Variants in BICD1 observed in about 807,000 individuals in gnomAD.
BICD1 encodes protein bicaudal D homolog 1.
A neutral mutation model predicts 92.5 loss-of-function variants in BICD1; 35 were observed. That is an observed-to-expected ratio of 0.38 (90% confidence interval 0.29 to 0.50). The LOEUF is 0.50. Ranked by LOEUF, BICD1 falls within the 20% of genes least tolerant of loss-of-function variation. The probability of loss-of-function intolerance (pLI) is 0.93; values close to 1 mark genes in which losing one functional copy is unlikely to be tolerated. For synonymous variants in BICD1, 429 were observed against 465.1 expected, an observed-to-expected ratio of 0.92 and a Z score of 1.00; for missense variants, 950 against 1,189.8, an observed-to-expected ratio of 0.80 and a Z score of 2.97.
Position 32,377,366 on chromosome 12 carries a change from C to T in BICD1, c.2841-174C>T, listed in dbSNP as rs144106729. ...ATACATTTCATTTTTCTTTTTTATG[C>T]CTTGTTTTGAAAAGCTACCATTATC... On this transcript the variant is annotated intron_variant, in intron 9 of 9. Transcript: ENST00000652176. Among the ~76,000 whole-genome samples, 488 of 152,204 alleles carry T rather than the reference C, an allele frequency of 3.2e-3. 4 individuals carry two copies. The highest frequency in any genetic ancestry group is 0.011 in the African/African-American group (462 of 41,508).
At position 32,305,836 on chromosome 12, in the gene BICD1, A is replaced by G; in HGVS notation, c.719A>G (p.Asn240Ser). 1 of 1,614,266 alleles carries G rather than the reference A, an allele frequency of 6.2e-7. No individual in the cohort carries two copies. Among genetic ancestry groups the G allele is most frequent in the Non-Finnish European group, 8.5e-7 (1 of 1,180,046 alleles). The change falls in exon 4 of 10, where the codon AAT (asparagine) becomes AGT (serine). Residue 240 changes from asparagine (N) to serine (S), a missense_variant. Asn to Ser is a conservative substitution (Grantham distance 46, BLOSUM62 1). Around this residue, in one of 5 missense-constraint regions of BICD1, gnomAD observed 246 missense variants for 258.4 expected, o/e 0.95. Coordinates refer to ENST00000652176, the MANE Select transcript of BICD1 (RefSeq NM_001714.4). ...QLEEALETLK[N>S]EREQKNNLRK... The stretch of plus-strand genomic sequence containing the variant: ...GAAGAAGCCCTCGAGACTTTAAAAA[A>G]TGAAAGAGAGCAAAAGAACAACCTG...
intron 1 of BICD1, among the ~76,000 whole-genome samples, chr12:32,113,450 C>T (rs1162420693): frequency 6.6e-6 from 1 of 152,048 alleles, no homozygotes; most frequent in African/African-American, 2.4e-5. Context: ...GGTGCTGTTA[C>T]AGCTCACCGC....
At chr12:32,332,571 C>G in intron 5 of BICD1, 2 of 507,906 alleles carry the variant, frequency 3.9e-6, no homozygotes, top group Non-Finnish European at 5.1e-6. Flanking sequence ...CCAGAAGACT[C>G]AGCCTCCTGG....
intron 1 of BICD1, among the ~76,000 whole-genome samples, chr12:32,201,462 T>A (rs931041594): frequency 9.2e-5 from 14 of 151,964 alleles, no homozygotes; most frequent in African/African-American, 3.4e-4. Context: ...CAGTAAATAT[T>A]GGAGGGAAGG....
intron 4 of BICD1, among the ~76,000 whole-genome samples, chr12:32,311,379 G>A (rs1308886759): frequency 2.6e-5 from 4 of 152,078 alleles, no homozygotes; most frequent in African/African-American, 4.8e-5. Flanking sequence ...CATGCCTGTA[G>A]TCCCAGCTAC....
rs184737399 is a variant in BICD1, at chr12:32,328,816, C to A, written c.2100+261C>A. Among the ~76,000 whole-genome samples, 2 of 152,074 alleles carry A rather than the reference C, an allele frequency of 1.3e-5. No individual in the cohort carries two copies. Among genetic ancestry groups the A allele is most frequent in the African/African-American group, 4.8e-5 (2 of 41,414 alleles). On this transcript the variant is annotated intron_variant, in intron 5 of 9. Coordinates refer to ENST00000652176, the MANE Select transcript of BICD1 (RefSeq NM_001714.4). This position sits in a 1 kb window ranked among gnomAD's most constrained non-coding sequence, Gnocchi z 4.4. ...AGGAGAAGATCTAGATGCCTTTCTG[C>A]AGATGTAGAAAGGCAGCTCAGGCGG...
intron 2 of BICD1, among the ~76,000 whole-genome samples, chr12:32,226,983 G>A (rs957677660): frequency 2.0e-5 from 3 of 152,044 alleles, no homozygotes; most frequent in Non-Finnish European, 2.9e-5. Flanking sequence ...GGCATGTGAG[G>A]AGGGCCTGGG....
chr12:32,148,383 T>C (rs2061784829), intron 1 of BICD1, among the ~76,000 whole-genome samples: 1 of 152,196 alleles, frequency 6.6e-6, no homozygotes, highest in Admixed American at 6.5e-5. Context: ...GAGTCTGCCT[T>C]TGAGCAGAGA....
chr12:32,318,065 G>A (rs1188885208), intron 4 of BICD1, among the ~76,000 whole-genome samples: 8 of 151,226 alleles, frequency 5.3e-5, no homozygotes, highest in Non-Finnish European at 8.9e-5. Flanking sequence ...TGTTCCATTG[G>A]TCTATATCTC....
intron 1 of BICD1, chr12:32,108,203 T>G (rs1471078709): frequency 1.6e-5 from 3 of 187,276 alleles, no homozygotes; most frequent in African/African-American, 7.1e-5. Context: ...TAGAAAAAAT[T>G]GAACTCACCT....
chr12:32,348,772 A>G lies in BICD1; in HGVS notation c.2764+9793A>G, dbSNP rs1308074118. Among the ~76,000 whole-genome samples, 179 of 52,722 alleles carry G rather than the reference A, an allele frequency of 3.4e-3. 2 individuals carry two copies. Among genetic ancestry groups the G allele is most frequent in the African/African-American group, 0.015 (173 of 11,320 alleles). 34.6% of individuals were successfully genotyped at this position (52,722 alleles called of 152,430 possible). ...TATATATATATATATATATATATAT[A>G]TATATATCAGCAGGCAGATACTCAA... On this transcript the variant is annotated intron_variant, in intron 8 of 9. Coordinates refer to ENST00000652176, the MANE Select transcript of BICD1 (RefSeq NM_001714.4).
At position 32,116,438 on chromosome 12, in the gene BICD1, C is replaced by CTCTGTCTGTCTG. The variant is rs1171456421; in HGVS notation, c.213+8910_213+8921dup. Among the ~76,000 whole-genome samples the CTCTGTCTGTCTG allele has an allele frequency of 1.3e-4, 20 of 148,266 alleles. 2 individuals carry two copies. Among genetic ancestry groups the CTCTGTCTGTCTG allele is most frequent in the South Asian group, 2.2e-4 (1 of 4,618 alleles). ...TTTAGCACTTGTACTATGTCTCTGT[C>CTCTGTCTGTCTG]TCTGTCTGTCTGTCTGTCTGTCTGT... On this transcript the variant is annotated intron_variant, in intron 1 of 9. Coordinates refer to ENST00000652176, the MANE Select transcript of BICD1 (RefSeq NM_001714.4).
At chr12:32,185,672 C>T (rs1295620195) in intron 1 of BICD1, among the ~76,000 whole-genome samples, 1 of 152,186 alleles carries the variant, frequency 6.6e-6, no homozygotes, top group Non-Finnish European at 1.5e-5. Flanking sequence ...GAGAGGGGCT[C>T]CCAAATCAGA....
chr12:32,314,184 A>G (rs12367422), intron 4 of BICD1, among the ~76,000 whole-genome samples: 2,482 of 152,220 alleles, frequency 0.016, 30 homozygotes, highest in Non-Finnish European at 0.026. Flanking sequence ...GTTGATGGAC[A>G]CTTTAGTTGT....
chr12:32,198,162 G>C (rs1944779401), intron 1 of BICD1, among the ~76,000 whole-genome samples: 1 of 151,542 alleles, frequency 6.6e-6, no homozygotes, highest in Non-Finnish European at 1.5e-5. Context: ...CTGAGATCGT[G>C]CCATTGTACT....
At chr12:32,350,862 A>T (rs1160532473) in intron 8 of BICD1, among the ~76,000 whole-genome samples, 1 of 151,062 alleles carries the variant, frequency 6.6e-6, no homozygotes. Context: ...CACTAAATTC[A>T]TTGTCCTTTG....
intron 1 of BICD1, among the ~76,000 whole-genome samples, chr12:32,171,532 G>C (rs55797148): frequency 0.011 from 1,738 of 152,196 alleles, 36 homozygotes; most frequent in African/African-American, 0.04. Context: ...CCTCAGTTGG[G>C]GCACCTTGTC....
chr12:32,370,367 A>AAG (rs1400726322), intron 9 of BICD1, among the ~76,000 whole-genome samples: 1 of 152,088 alleles, frequency 6.6e-6, no homozygotes, highest in Non-Finnish European at 1.5e-5. Context: ...AAGAAAAAAA[A>AAG]AAAAGAAATA....
At chr12:32,216,943 G>A (rs948163932) in intron 2 of BICD1, among the ~76,000 whole-genome samples, 1 of 152,192 alleles carries the variant, frequency 6.6e-6, no homozygotes, top group East Asian at 1.9e-4. Context: ...GATTTTTCTG[G>A]TTATAGAGAA....
Sources: allele counts gnomAD v4.1 joint callset (sites outside exome capture counted in the v4.1 genomes callset), GRCh38; gene constraint gnomAD v4.1.1; regional missense constraint gnomAD v4.1.1; non-coding constraint Gnocchi (gnomAD v3.1); transcripts MANE v1.5; gene names NCBI Gene and HGNC (gene_info 2026-07-23, HGNC 2026-07-21).